The following POGZ variants were observed in gnomAD, a reference collection of about 807,000 sequenced individuals.
POGZ encodes pogo transposable element with ZNF domain.
POGZ carries 17 observed loss-of-function variants against 134.6 expected under a neutral mutation model. The ratio of observed to expected loss-of-function variants is 0.13; its 90% confidence interval spans 0.09 to 0.19. The LOEUF (loss-of-function observed/expected upper bound fraction) is 0.19, where lower values mean the gene tolerates loss of function less well. POGZ is among the 10% of genes least tolerant of loss of function. The probability of loss-of-function intolerance (pLI) is 1.00; values close to 1 mark genes in which losing one functional copy is unlikely to be tolerated. For synonymous variants in POGZ, 693 were observed against 657.1 expected, an observed-to-expected ratio of 1.05 and a Z score of -0.84; for missense variants, 1,306 against 1,769.7, an observed-to-expected ratio of 0.74 and a Z score of 4.70.
At position 151,452,693 on chromosome 1, in the gene POGZ, G is replaced by A. The variant is rs368903728; in HGVS notation, c.-2+6459C>T. Among the ~76,000 whole-genome samples the A allele has an allele frequency of 4.6e-4, 70 of 151,920 alleles. 1 individual carries two copies. The East Asian group carries it at 9.0e-3, about 20-fold the overall frequency. On this transcript the variant is annotated intron_variant, in intron 1 of 18. Transcript: ENST00000271715. ...AGCCTGGCCAACACAGTGAAACCCC[G>A]TCTCTACTAAAAATACAAAAATTAG...
At position 151,408,430 on chromosome 1, in the gene POGZ, T is replaced by C; in HGVS notation, c.2213A>G (p.Gln738Arg). Reference sequence around the variant, plus strand: ...TGACATTTTCCTAACAGCTCTCTTCTGGATGCTGCGCTGGACAGGGGGATA... The same window carrying C: ...TGACATTTTCCTAACAGCTCTCTTCCGGATGCTGCGCTGGACAGGGGGATA... The part of the protein sequence containing the change: ...FLYPPVQRSI[Q>R]KRAVRKMSVM... Residue 738 changes from glutamine (Q) to arginine (R), a missense_variant, in exon 14 of 19, where the codon CAG becomes CGG. Gln to Arg is a conservative substitution (Grantham distance 43). Coordinates refer to ENST00000271715, the MANE Select transcript of POGZ (RefSeq NM_015100.4). The C allele has an allele frequency of 1.3e-6, 2 of 1,594,252 alleles. No homozygotes were observed.
intron 2 of POGZ, 144 bp from the exon 3 acceptor site, chr1:151,441,230 T>G (rs1207153377): frequency 1.7e-6 from 1 of 587,088 alleles, no homozygotes. Flanking sequence ...TTCATGTGAT[T>G]TCTCCTCCTA....
intron 1 of POGZ, among the ~76,000 whole-genome samples, chr1:151,445,176 T>C (rs1661091115): frequency 6.6e-6 from 1 of 152,166 alleles, no homozygotes; most frequent in Non-Finnish European, 1.5e-5. Flanking sequence ...TCTCCTTAGG[T>C]ATGAGTACTG....
intron 12 of POGZ, among the ~76,000 whole-genome samples, chr1:151,411,122 G>A (rs761492792): frequency 5.9e-5 from 9 of 152,136 alleles, no homozygotes; most frequent in Non-Finnish European, 1.3e-4. Context: ...AACCCCTTTA[G>A]TGGCTTCCCA....
At chr1:151,417,727 CACAAAA>C (rs1425306885) in intron 10 of POGZ, among the ~76,000 whole-genome samples, 1 of 130,570 alleles carries the variant, frequency 7.7e-6, no homozygotes, top group African/African-American at 3.3e-5. Context: ...CACACACACA[CACAAAA>C]GGCCTTATTT....
At chr1:151,452,847 G>C (rs1261259441) in intron 1 of POGZ, among the ~76,000 whole-genome samples, 1 of 151,570 alleles carries the variant, frequency 6.6e-6, no homozygotes, top group Non-Finnish European at 1.5e-5. Flanking sequence ...CTAGGCAACA[G>C]AGCGAGACTC....
At chr1:151,445,951 A>C (rs1661195935) in intron 1 of POGZ, among the ~76,000 whole-genome samples, 1 of 152,060 alleles carries the variant, frequency 6.6e-6, no homozygotes, top group Admixed American at 6.6e-5. Context: ...TACTAACATA[A>C]TAAAATGCAG....
Position 151,449,469 on chromosome 1 carries a change from C to T in POGZ, c.-1-7264G>A, listed in dbSNP as rs569570924. Among the ~76,000 whole-genome samples the T allele has an allele frequency of 1.6e-4, 24 of 152,052 alleles. No individual in the cohort carries two copies. In the East Asian group the frequency reaches 4.3e-3, roughly 27 times the overall value. On this transcript the variant is annotated intron_variant, in intron 1 of 18. Coordinates refer to ENST00000271715, the MANE Select transcript of POGZ (RefSeq NM_015100.4). Reference sequence around the variant, plus strand: ...TGCATAGGATAGCCTGGAGATTATCCGACCCTAAATGTCAATAGTGCCAAG... The same window carrying T: ...TGCATAGGATAGCCTGGAGATTATCTGACCCTAAATGTCAATAGTGCCAAG...
At chr1:151,446,046 CTTTTTTTTTTTT>C (rs573169016) in intron 1 of POGZ, among the ~76,000 whole-genome samples, 1 of 123,926 alleles carries the variant, frequency 8.1e-6, no homozygotes, top group Admixed American at 8.6e-5. Context: ...CGTCTTTCAA[CTTTTTTTTTTTT>C]TTTTTTTTAG....
chr1:151,433,978 A>C (rs1659163879), intron 3 of POGZ, among the ~76,000 whole-genome samples: 2 of 152,156 alleles, frequency 1.3e-5, no homozygotes, highest in African/African-American at 4.8e-5. Context: ...TAGGAGTTCG[A>C]GTCCAGCCTG....
At chr1:151,450,843 A>G (rs1285550268) in intron 1 of POGZ, 1 of 148,514 alleles carries the variant, frequency 6.7e-6, no homozygotes, top group Non-Finnish European at 1.5e-5. Flanking sequence ...GTTGAACTTA[A>G]AAGTTACAGT....
intron 10 of POGZ, among the ~76,000 whole-genome samples, chr1:151,415,462 G>A (rs1655461587): frequency 1.3e-5 from 2 of 151,570 alleles, no homozygotes; most frequent in African/African-American, 2.4e-5. Context: ...TCAGGAGATC[G>A]AGACCATTCT....
chr1:151,419,318 C>T (rs960660642), intron 10 of POGZ, among the ~76,000 whole-genome samples: 2 of 151,890 alleles, frequency 1.3e-5, no homozygotes, highest in East Asian at 1.9e-4. Context: ...GCCAAGACTG[C>T]GCCACTGCAC....
At chr1:151,435,233 C>A (rs1390765368) in intron 3 of POGZ, among the ~76,000 whole-genome samples, 1 of 152,062 alleles carries the variant, frequency 6.6e-6, no homozygotes, top group Non-Finnish European at 1.5e-5. Context: ...CTTCCATACC[C>A]TTAAAGCCCA....
In POGZ at chr1:151,458,386, A is replaced by T. The variant is rs536532085; in HGVS notation, c.-2+766T>A. On this transcript the variant is annotated intron_variant, in intron 1 of 18. Transcript: ENST00000271715. ...TTTTATAAATCACGGCGCCATCCCAAAAGAAATTTGGGGACCGAGGGAGGA... is the reference window on the plus strand; with the variant it reads ...TTTTATAAATCACGGCGCCATCCCATAAGAAATTTGGGGACCGAGGGAGGA... Among the ~76,000 whole-genome samples the T allele has an allele frequency of 4.4e-4, 67 of 152,200 alleles. No individual in the cohort carries two copies. The South Asian group carries it at 0.014, about 31-fold the overall frequency.
At chr1:151,439,613 A>G (rs2102357051) in intron 3 of POGZ, among the ~76,000 whole-genome samples, 1 of 152,350 alleles carries the variant, frequency 6.6e-6, no homozygotes, top group South Asian at 2.1e-4. Flanking sequence ...TCACCACAGC[A>G]TCATTTGTAA....
chr1:151,410,457 C>G (rs1182579735), intron 12 of POGZ, among the ~76,000 whole-genome samples: 5 of 152,246 alleles, frequency 3.3e-5, no homozygotes, highest in Admixed American at 2.0e-4. Flanking sequence ...TTTGATCACA[C>G]CCTTTTCTTT....
intron 8 of POGZ, 61 bp from the exon 9 acceptor site, chr1:151,424,347 T>A: frequency 1.0e-6 from 1 of 977,860 alleles, no homozygotes; most frequent in Non-Finnish European, 1.5e-6. Flanking sequence ...GCTAACTCCT[T>A]AACTTCACTA....
Position 151,406,072 on chromosome 1 carries a change from T to C in POGZ, c.2963A>G (p.Asn988Ser), listed in dbSNP as rs976520166. ...GAAGTGTTCAGCTGCCTGTTCTGTA[T>C]TGCAGCATAGAGCAAACAGTACTAC... ...LRVVLFALCC[N>S]TEQAAEHFRN... The change falls in exon 19 of 19, where the codon AAT becomes AGT. Residue 988 changes from asparagine (N) to serine (S), a missense_variant. Asn to Ser is a conservative substitution (Grantham distance 46, BLOSUM62 1). Around this residue, in one of 10 missense-constraint regions of POGZ, gnomAD observed 214 missense variants for 255.5 expected, o/e 0.84. Transcript: ENST00000271715. 6.2e-6 allele frequency: 10 copies of C among 1,614,096 alleles called. No individual in the cohort carries two copies. The Admixed American group carries it at 1.5e-4, about 24-fold the overall frequency.
Sources: gnomAD v4.1 joint callset for allele counts (sites outside exome capture counted in the v4.1 genomes callset) on GRCh38, gnomAD v4.1.1 for gene constraint, gnomAD v4.1.1 regional missense constraint, MANE v1.5 for transcripts, NCBI Gene and HGNC (gene_info 2026-07-23, HGNC 2026-07-21) for gene names.